Variants in OXSR1 observed in about 807,000 individuals in gnomAD.
OXSR1 encodes oxidative stress responsive kinase 1.
In OXSR1, 24 loss-of-function variants were observed where a neutral mutation model predicts 79.8. The ratio of observed to expected loss-of-function variants is 0.30; its 90% CI spans 0.22 to 0.42. OXSR1 has a LOEUF of 0.42. Ranked by LOEUF, OXSR1 falls within the 10% of genes least tolerant of loss-of-function variation. OXSR1 has a pLI of 1.00. For synonymous variants in OXSR1, 226 were observed against 209.2 expected (o/e 1.08, Z -0.69); for missense variants, 430 against 618.4 (o/e 0.70, Z 3.23).
intron 4 of OXSR1, among the ~76,000 whole-genome samples, chr3:38,199,514 C>G (rs935651566): frequency 6.6e-6 from 1 of 152,274 alleles, no homozygotes; most frequent in South Asian, 2.1e-4. Context: ...CAGGCATAAG[C>G]CACTGTGCCC....
At chr3:38,222,502 A>G (rs949980418) in intron 6 of OXSR1, among the ~76,000 whole-genome samples, 5 of 152,086 alleles carry the variant, frequency 3.3e-5, no homozygotes, top group Non-Finnish European at 7.4e-5. Context: ...GGGGAGGGGA[A>G]CTTCTGCTTA....
chr3:38,171,597 A>G (rs941240623), intron 1 of OXSR1, among the ~76,000 whole-genome samples: 8 of 152,174 alleles, frequency 5.3e-5, no homozygotes, highest in South Asian at 2.1e-4. Flanking sequence ...CTTTCTGGTA[A>G]AATCCTACAG....
upstream of OXSR1, among the ~76,000 whole-genome samples, chr3:38,164,703 C>G (rs889143705): frequency 6.6e-6 from 1 of 152,150 alleles, no homozygotes; most frequent in Non-Finnish European, 1.5e-5. Context: ...TTTAATACCC[C>G]AAGCCCTGTC....
At chr3:38,226,235 A>T (rs1004462329) in intron 8 of OXSR1, among the ~76,000 whole-genome samples, 2 of 152,080 alleles carry the variant, frequency 1.3e-5, no homozygotes, top group African/African-American at 4.8e-5. Context: ...ACAGTGAAAC[A>T]ATGCATTATG....
chr3:38,182,310 G>A (rs979430623), intron 1 of OXSR1, among the ~76,000 whole-genome samples: 43 of 152,274 alleles, frequency 2.8e-4, no homozygotes, highest in African/African-American at 9.9e-4. Flanking sequence ...CCTGGCTGGC[G>A]CTGTGGAGAA....
intron 10 of OXSR1, among the ~76,000 whole-genome samples, chr3:38,235,416 A>AG (rs1462781906): frequency 6.6e-6 from 1 of 152,224 alleles, no homozygotes; most frequent in Admixed American, 6.5e-5. Context: ...CCATTTGAGA[A>AG]GGTACAGCAT....
At chr3:38,175,684 G>T (rs1701664330) in intron 1 of OXSR1, among the ~76,000 whole-genome samples, 1 of 152,212 alleles carries the variant, frequency 6.6e-6, no homozygotes, top group African/African-American at 2.4e-5. Flanking sequence ...TGCTTGGGCA[G>T]ATCCTTCTCT....
intron 4 of OXSR1, among the ~76,000 whole-genome samples, chr3:38,204,912 C>G (rs1376269660): frequency 6.6e-6 from 1 of 152,114 alleles, no homozygotes; most frequent in African/African-American, 2.4e-5. Flanking sequence ...TCTTTGTAGC[C>G]TTGACTGCCT....
intron 1 of OXSR1, among the ~76,000 whole-genome samples, chr3:38,178,614 ATATATATT>A (rs996948805): frequency 4.8e-5 from 4 of 83,696 alleles, no homozygotes; most frequent in African/African-American, 1.9e-4. Context: ...ATATATATAT[ATATATATT>A]TTTTTTTTTT....
chr3:38,212,921 A>C (rs567952403), intron 4 of OXSR1, among the ~76,000 whole-genome samples: 33 of 152,308 alleles, frequency 2.2e-4, no homozygotes, highest in Admixed American at 1.7e-3. Context: ...GTTTGAGGGC[A>C]GACTGTGGTG....
chr3:38,198,719 C>T lies in OXSR1; in HGVS notation c.293-3C>T. On this transcript the variant is annotated splice_region_variant and splice_polypyrimidine_tract_variant and intron_variant, in intron 3 of 17. Coordinates refer to ENST00000311806, the MANE Select transcript of OXSR1 (RefSeq NM_005109.3). ...TTTAGAAAATTATGTCTTCTGTTTTCAGGTTCTGTTCTGGATATTATTAAG... is the reference window on the plus strand; with the variant it reads ...TTTAGAAAATTATGTCTTCTGTTTTTAGGTTCTGTTCTGGATATTATTAAG... 6.2e-7 allele frequency: 1 copy of T among 1,603,168 alleles called. No homozygotes were observed. Among genetic ancestry groups the T allele is most frequent in the South Asian group, 1.1e-5 (1 of 89,932 alleles).
Position 38,165,902 on chromosome 3 carries a change from C to T in OXSR1, c.26C>T (p.Pro9Leu). The T allele has an allele frequency of 6.2e-7, 1 of 1,611,828 alleles. No individual in the cohort carries two copies. The highest frequency in any genetic ancestry group is 8.5e-7 in the Non-Finnish European group (1 of 1,179,630). The change falls in exon 1 of 18, where the codon CCC (proline) becomes CTC (leucine). Residue 9 changes from proline (P) to leucine (L), a missense_variant. By Grantham distance (98) the Pro-to-Leu change is moderately conservative. Coordinates refer to ENST00000311806, the MANE Select transcript of OXSR1 (RefSeq NM_005109.3). MSEDSSAL[P>L]WSINRDDYEL... is the part of the protein sequence containing the mutation. ...ATGTCCGAGGACTCGAGCGCCCTGC[C>T]CTGGTCCATCAACAGGGACGATTAC...
In OXSR1 at chr3:38,224,613, A is replaced by G; in HGVS notation, c.745A>G (p.Thr249Ala). 1 of 1,595,084 alleles carries G rather than the reference A, an allele frequency of 6.3e-7. No individual in the cohort carries two copies. The highest frequency in any genetic ancestry group is 8.5e-7 in the Non-Finnish European group (1 of 1,172,718). Residue 249 changes from threonine (T) to alanine (A), a missense_variant, in exon 8 of 18, where the codon ACT (threonine) becomes GCT (alanine). Thr to Ala is a moderately conservative substitution (Grantham distance 58, BLOSUM62 0). Around this residue, in one of 3 missense-constraint regions of OXSR1, gnomAD observed 276 missense variants for 354.2 expected, o/e 0.78. Coordinates refer to ENST00000311806, the MANE Select transcript of OXSR1 (RefSeq NM_005109.3). ...TLQNDPPSLE[T>A]GVQDKEMLKK... ...GCAGAACGATCCTCCTTCTTTGGAA[A>G]CTGGTGTTCAAGATAAAGAAATGCT...
intron 4 of OXSR1, among the ~76,000 whole-genome samples, chr3:38,209,560 G>A (rs534833019): frequency 3.3e-5 from 5 of 151,780 alleles, no homozygotes; most frequent in African/African-American, 7.2e-5. Flanking sequence ...TGCCACGTCC[G>A]GCCTCTTCTT....
Position 38,243,003 on chromosome 3 carries a change from GTTATTTATTTATTTAT to G in OXSR1, c.1110+256_1110+271del, listed in dbSNP as rs34493594. Among the ~76,000 whole-genome samples the G allele has an allele frequency of 6.3e-3, 928 of 146,258 alleles. 11 individuals carry two copies. Among genetic ancestry groups the G allele is most frequent in the African/African-American group, 0.022 (862 of 39,522 alleles). On this transcript the variant is annotated intron_variant, in intron 12 of 17. Coordinates refer to ENST00000311806, the MANE Select transcript of OXSR1 (RefSeq NM_005109.3). ...TGGCTTGGGCTGCTGGAAGTGAAAA[GTTATTTATTTATTTAT>G]TTATTTATTTATTTATTTATTTATT...
chr3:38,205,597 T>C (rs1387257140), intron 4 of OXSR1, among the ~76,000 whole-genome samples: 1 of 152,240 alleles, frequency 6.6e-6, no homozygotes, highest in Non-Finnish European at 1.5e-5. Context: ...GTAGAGCCAC[T>C]GATGACCTTC....
intron 11 of OXSR1, among the ~76,000 whole-genome samples, chr3:38,242,261 A>G (rs1703051065): frequency 6.6e-6 from 1 of 152,152 alleles, no homozygotes; most frequent in African/African-American, 2.4e-5. Context: ...CAACACCAAG[A>G]ATAAGGGTAG....
intron 11 of OXSR1, 125 bp downstream of exon 11, chr3:38,237,086 G>T: frequency 1.3e-6 from 1 of 775,402 alleles, no homozygotes; most frequent in Admixed American, 2.8e-5. Context: ...AATAATAGGA[G>T]CCCAGTTAAT....
At chr3:38,220,902 G>A (rs1243865011) in intron 5 of OXSR1, among the ~76,000 whole-genome samples, 2 of 152,178 alleles carry the variant, frequency 1.3e-5, no homozygotes, top group Admixed American at 6.5e-5. Flanking sequence ...CCTCATCAGT[G>A]ACTGGTACTT....
Sources: gnomAD v4.1 joint callset for allele counts (sites outside exome capture counted in the v4.1 genomes callset) on GRCh38, gnomAD v4.1.1 for gene constraint, gnomAD v4.1.1 regional missense constraint, MANE v1.5 for transcripts, NCBI Gene and HGNC (gene_info 2026-07-23, HGNC 2026-07-21) for gene names.